The following MIER2 variants were observed in gnomAD, a reference collection of about 807,000 sequenced individuals.
MIER2 encodes the protein mesoderm induction early response protein 2.
MIER2 carries 30 observed loss-of-function variants against 67.6 expected under a neutral mutation model. That is an observed-to-expected ratio of 0.44 (90% CI 0.33 to 0.60). The LOEUF is 0.60. Ranked by LOEUF, MIER2 falls within the 20% of genes least tolerant of loss-of-function variation. The pLI is 0.02. For synonymous variants in MIER2, 372 were observed against 312.6 expected, an observed-to-expected ratio of 1.19 and a Z score of -2.00; for missense variants, 702 against 745.1, an observed-to-expected ratio of 0.94 and a Z score of 0.67.
chr19:308,855 T>C lies in MIER2; in HGVS notation c.1055A>G (p.Tyr352Cys). ...YLWKKSERYD[Y>C]FAQQTRLGRR... is the part of the protein sequence containing the mutation. ...GCCCAGCCGCGTCTGCTGGGCGAAG[T>C]AGTCGTAGCGCTCCGACTTCTTCCA... Residue 352 changes from tyrosine (Y) to cysteine (C), a missense_variant, in exon 11 of 14, where the codon TAC (tyrosine) becomes TGC (cysteine). This residue lies in a region of MIER2 where 128 missense variants were observed against 189.7 expected (regional missense o/e 0.67). Coordinates refer to ENST00000264819, the MANE Select transcript of MIER2 (RefSeq NM_017550.3). This position sits in a 1 kb window ranked among gnomAD's most constrained non-coding sequence, Gnocchi z 9.1. The C allele has an allele frequency of 6.2e-7, 1 of 1,611,048 alleles. No individual in the cohort carries two copies. The highest frequency in any genetic ancestry group is 8.5e-7 in the Non-Finnish European group (1 of 1,178,114).
chr19:306,994 C>A, intron 13 of MIER2, 125 bp downstream of exon 13: 3 of 1,179,316 alleles, frequency 2.5e-6, no homozygotes, highest in Non-Finnish European at 3.5e-6. Context: ...TGAGAGCCTG[C>A]TCGTGGAGCC....
chr19:334,995 C>T (rs1435415354), intron 2 of MIER2, among the ~76,000 whole-genome samples: 1 of 152,188 alleles, frequency 6.6e-6, no homozygotes, highest in Non-Finnish European at 1.5e-5. Flanking sequence ...CAGGGACAAA[C>T]CAATGGGGGC....
chr19:308,997 A>ACGTC lies in MIER2; in HGVS notation c.985-76_985-73dup. On this transcript the variant is annotated intron_variant, in intron 10 of 13. Coordinates refer to ENST00000264819, the MANE Select transcript of MIER2 (RefSeq NM_017550.3). This position sits in a 1 kb window ranked among gnomAD's most constrained non-coding sequence, Gnocchi z 9.1. The stretch of plus-strand genomic sequence containing the variant: ...CCAGCACCTGCACCACGATCCCAGG[A>ACGTC]CGTCCTGGGACCCCGGGACAGCACA... 3.2e-6 allele frequency: 5 copies of ACGTC among 1,551,894 alleles called. No homozygotes were observed. The highest frequency in any genetic ancestry group is 4.4e-6 in the Non-Finnish European group (5 of 1,144,804).
intron 10 of MIER2, among the ~76,000 whole-genome samples, chr19:309,798 A>ATG (rs1970855996): frequency 8.0e-4 from 85 of 105,632 alleles, no homozygotes; most frequent in African/African-American, 3.0e-3. Context: ...ACACACACAC[A>ATG]CACACAAGGC....
Position 307,265 on chromosome 19 carries a change from G to T in MIER2, c.1470C>A (p.Ser490Arg), listed in dbSNP as rs376617535. Residue 490 changes from serine to arginine, a missense_variant, in exon 13 of 14, where the codon AGC becomes AGA. Physicochemically the swap from Ser to Arg is moderately radical, Grantham distance 110. Around this residue, in one of 3 missense-constraint regions of MIER2, gnomAD observed 254 missense variants for 262.8 expected, o/e 0.97. Transcript: ENST00000264819. ...LPLISSHVDLSGDPEETVAPA... is the reference protein window; with the variant it reads ...LPLISSHVDLRGDPEETVAPA... ...GGGCCACAGTCTCCTCCGGATCCCC[G>T]CTGAGGTCCACATGGCTGGAGATGA... 1.3e-6 allele frequency: 2 copies of T among 1,597,330 alleles called. No individual in the cohort carries two copies. The highest frequency in any genetic ancestry group is 1.7e-6 in the Non-Finnish European group (2 of 1,172,458).
rs1386866137 is a variant in MIER2 at position 308,187 on chromosome 19, C to A, written c.1198+390G>T. 6.6e-6 allele frequency among the ~76,000 whole-genome samples: 1 copy of A among 152,174 alleles called. No individual in the cohort carries two copies. Among genetic ancestry groups the A allele is most frequent in the African/African-American group, 2.4e-5 (1 of 41,448 alleles). On this transcript the variant is annotated intron_variant, in intron 12 of 13. Coordinates refer to ENST00000264819, the MANE Select transcript of MIER2 (RefSeq NM_017550.3). This position sits in a 1 kb window ranked among gnomAD's most constrained non-coding sequence, Gnocchi z 9.1. ...CTGTGCTCCGTCATGGCCTCAGGTG[C>A]AAGATCCTGGCGACGGCTCCGGACA... is the stretch of plus-strand genomic sequence containing the variant.
At chr19:337,117 T>C (rs936547346) in intron 1 of MIER2, among the ~76,000 whole-genome samples, 5 of 152,136 alleles carry the variant, frequency 3.3e-5, no homozygotes, top group African/African-American at 1.2e-4. Context: ...GTGCTGGCAT[T>C]ATGGGTGTGA....
chr19:318,795 A>G (rs1056801139), intron 7 of MIER2, among the ~76,000 whole-genome samples: 3 of 152,254 alleles, frequency 2.0e-5, no homozygotes, highest in East Asian at 1.9e-4. Flanking sequence ...GGTGGCTCAC[A>G]CCTGTAATCC....
At chr19:339,364 A>G (rs886356367) in intron 1 of MIER2, among the ~76,000 whole-genome samples, 6 of 152,316 alleles carry the variant, frequency 3.9e-5, no homozygotes, top group Admixed American at 2.6e-4. Flanking sequence ...ACTCAATGTA[A>G]TATCAGGCAA....
chr19:306,990 C>A (rs1970679072), intron 13 of MIER2, 129 bp downstream of exon 13: 3 of 1,138,046 alleles, frequency 2.6e-6, no homozygotes, highest in South Asian at 3.2e-5. Flanking sequence ...ACACTGAGAG[C>A]CTGCTCGTGG....
At position 306,657 on chromosome 19, in the gene MIER2, G is replaced by T. The variant is rs1970663631; in HGVS notation, c.*33C>A. The T allele has an allele frequency of 6.4e-7, 1 of 1,551,882 alleles. No individual in the cohort carries two copies. Among genetic ancestry groups the T allele is most frequent in the African/African-American group, 1.4e-5 (1 of 73,174 alleles). On this transcript the variant is annotated 3_prime_UTR_variant, in exon 14 of 14. Transcript: ENST00000264819. ...GGGCCCAGCGGCAGCGCTAAGTCCAGTCTGGGCCGCATACGCCGCCCGCGG... is the reference window on the plus strand; with the variant it reads ...GGGCCCAGCGGCAGCGCTAAGTCCATTCTGGGCCGCATACGCCGCCCGCGG...
chr19:341,346 G>A (rs956883995), intron 1 of MIER2, among the ~76,000 whole-genome samples: 1 of 152,176 alleles, frequency 6.6e-6, no homozygotes, highest in Non-Finnish European at 1.5e-5. Context: ...TATGGCCCCA[G>A]GAGAGGTGGT....
chr19:330,132 T>C (rs372461216), intron 3 of MIER2: 1 of 152,170 alleles, frequency 6.6e-6, no homozygotes, highest in Admixed American at 6.5e-5. Context: ...CTGCCTTGTA[T>C]GCAAGCCAGG....
At chr19:322,104 C>T (rs185563911) in intron 7 of MIER2, among the ~76,000 whole-genome samples, 14 of 152,064 alleles carry the variant, frequency 9.2e-5, no homozygotes, top group Non-Finnish European at 1.6e-4. Context: ...GGGGTTTCAC[C>T]GTGTTAGCCA....
intron 10 of MIER2, among the ~76,000 whole-genome samples, chr19:309,995 C>A (rs918267171): frequency 9.4e-6 from 1 of 106,892 alleles, no homozygotes; most frequent in Non-Finnish European, 1.9e-5. Flanking sequence ...CGAGAAGGGA[C>A]ACACACACAC....
rs970836148 is a variant in MIER2, at chr19:313,392, C to T, written c.807+100G>A. The T allele has an allele frequency of 7.3e-5, 112 of 1,526,878 alleles. 1 individual carries two copies. Among genetic ancestry groups the T allele is most frequent in the Non-Finnish European group, 9.7e-5 (111 of 1,141,698 alleles). The allele number at this position is 1,526,878 out of a possible 1,614,324, so 94.6% of individuals were successfully genotyped here. The stretch of plus-strand genomic sequence containing the variant: ...CCCCCACACACCTGACCCCTGCCCT[C>T]CCCTCTGCCCTCCCTGGCCCCTGGA... On this transcript the variant is annotated intron_variant, in intron 8 of 13. Transcript: ENST00000264819.
At chr19:334,605 G>A in intron 2 of MIER2, 63 bp from the exon 3 acceptor site, 1 of 1,573,478 alleles carries the variant, frequency 6.4e-7, no homozygotes, top group Non-Finnish European at 8.6e-7. Context: ...ATCCTGCCGA[G>A]ACTACTGACG....
chr19:307,031 A>G lies in MIER2; in HGVS notation c.1616+88T>C, dbSNP rs538926862. On this transcript the variant is annotated intron_variant, in intron 13 of 13. Coordinates refer to ENST00000264819, the MANE Select transcript of MIER2 (RefSeq NM_017550.3). Reference sequence around the variant, plus strand: ...CACTGTCCTCGGGTCCTTGGGGCAAATGCCTCCCACCCTCCTCTGCTCAGC... The same window carrying G: ...CACTGTCCTCGGGTCCTTGGGGCAAGTGCCTCCCACCCTCCTCTGCTCAGC... The G allele has an allele frequency of 2.8e-6, 4 of 1,442,856 alleles. No homozygotes were observed. In the East Asian group the frequency reaches 7.5e-5, roughly 27 times the overall value. 89.4% of individuals were successfully genotyped at this position (1,442,856 alleles called of 1,614,324 possible).
chr19:310,430 C>T (rs1423029205), intron 10 of MIER2, among the ~76,000 whole-genome samples: 1 of 152,106 alleles, frequency 6.6e-6, no homozygotes, highest in African/African-American at 2.4e-5. Flanking sequence ...GGCTGACCAA[C>T]GTGTGCTGGC....
Sources: allele counts gnomAD v4.1 joint callset (sites outside exome capture counted in the v4.1 genomes callset), GRCh38; gene constraint gnomAD v4.1.1; regional missense constraint gnomAD v4.1.1; non-coding constraint Gnocchi (gnomAD v3.1); transcripts MANE v1.5; gene names NCBI Gene and HGNC (gene_info 2026-07-23, HGNC 2026-07-21).